Variants in VAV3 observed in about 807,000 individuals in gnomAD.
VAV3 encodes vav guanine nucleotide exchange factor 3.
A neutral mutation model predicts 131.2 loss-of-function variants in VAV3; 94 were observed. The ratio of observed to expected loss-of-function variants is 0.72; its 90% confidence interval spans 0.61 to 0.85. VAV3 has a LOEUF of 0.85. Among genes scored for constraint, VAV3 ranks in the 40% least tolerant of loss-of-function variants. VAV3 has a pLI of 0.00. For synonymous variants in VAV3, 349 were observed against 342.0 expected (o/e 1.02, Z -0.22); for missense variants, 939 against 1,002.7 (o/e 0.94, Z 0.86).
rs1317970944 is a variant in VAV3 at position 107,952,485 on chromosome 1, T to TATATATATATATATATATACAC, written c.204+12180_204+12181insGTGTATATATATATATATATAT. On this transcript the variant is annotated intron_variant, in intron 1 of 26. Coordinates refer to ENST00000370056, the MANE Select transcript of VAV3 (RefSeq NM_006113.5). ...ACAAAACTTTATATATATATATATA[T>TATATATATATATATATATACAC]ACACACATAAATTCAACCTAAAAAA... Among the ~76,000 whole-genome samples the TATATATATATATATATATACAC allele has an allele frequency of 5.7e-4, 54 of 94,424 alleles. 2 individuals are homozygous for TATATATATATATATATATACAC. Among genetic ancestry groups the TATATATATATATATATATACAC allele is most frequent in the African/African-American group, 1.8e-3 (49 of 27,648 alleles). The allele number at this position is 94,424 out of a possible 152,430, so 61.9% of individuals were successfully genotyped here.
intron 15 of VAV3, among the ~76,000 whole-genome samples, chr1:107,745,826 C>T (rs1663308481): frequency 6.6e-6 from 1 of 152,130 alleles, no homozygotes; most frequent in African/African-American, 2.4e-5. Flanking sequence ...TATCAGCTCC[C>T]TTGATTTCCC....
chr1:107,754,456 C>G (rs1219787316), intron 12 of VAV3, among the ~76,000 whole-genome samples: 1 of 152,224 alleles, frequency 6.6e-6, no homozygotes, highest in Non-Finnish European at 1.5e-5. Context: ...TCACTCATCT[C>G]TATTTGCACT....
intron 1 of VAV3, among the ~76,000 whole-genome samples, chr1:107,940,061 C>T (rs572653701): frequency 6.6e-5 from 10 of 152,226 alleles, no homozygotes; most frequent in Admixed American, 2.6e-4. Context: ...CAAAGTCCAA[C>T]AATATTAAAG....
chr1:107,591,886 G>A (rs1650980576), intron 25 of VAV3, among the ~76,000 whole-genome samples: 1 of 152,024 alleles, frequency 6.6e-6, no homozygotes. Flanking sequence ...TATAACCACA[G>A]TACAATTATC....
At chr1:107,932,714 G>C (rs1435071277) in intron 1 of VAV3, among the ~76,000 whole-genome samples, 1 of 152,194 alleles carries the variant, frequency 6.6e-6, no homozygotes, top group Non-Finnish European at 1.5e-5. Context: ...AGGAGGCAGA[G>C]TAAGATTTGA....
intron 15 of VAV3, among the ~76,000 whole-genome samples, chr1:107,744,458 G>A (rs1397820555): frequency 6.6e-6 from 1 of 152,172 alleles, no homozygotes; most frequent in Non-Finnish European, 1.5e-5. Context: ...AGAAATTCTA[G>A]GCAAGAGGAC....
At chr1:107,616,105 T>C (rs1250685805) in intron 21 of VAV3, among the ~76,000 whole-genome samples, 2 of 152,176 alleles carry the variant, frequency 1.3e-5, no homozygotes, top group Admixed American at 6.5e-5. Context: ...ACTGGGTATA[T>C]ACCCAAAGAA....
intron 17 of VAV3, among the ~76,000 whole-genome samples, chr1:107,690,080 G>A (rs1364939238): frequency 6.6e-6 from 1 of 152,182 alleles, no homozygotes; most frequent in Non-Finnish European, 1.5e-5. Flanking sequence ...CAAAATTGGG[G>A]AAACCTCAGC....
At chr1:107,883,621 A>G (rs1670890061) in intron 1 of VAV3, among the ~76,000 whole-genome samples, 1 of 152,140 alleles carries the variant, frequency 6.6e-6, no homozygotes, top group Admixed American at 6.6e-5. Flanking sequence ...TAATATCAAT[A>G]AAGATTTTAA....
intron 15 of VAV3, among the ~76,000 whole-genome samples, chr1:107,719,702 C>T (rs979868051): frequency 2.6e-5 from 4 of 152,156 alleles, no homozygotes; most frequent in Non-Finnish European, 5.9e-5. Flanking sequence ...AGCAATCCCA[C>T]TACTGGGTAT....
intron 2 of VAV3, among the ~76,000 whole-genome samples, chr1:107,865,794 C>G (rs1040867671): frequency 1.3e-5 from 2 of 152,160 alleles, no homozygotes; most frequent in African/African-American, 4.8e-5. Context: ...CACTGCCTCT[C>G]TAAAAGTGAT....
At chr1:107,655,766 T>C (rs560066867) in intron 19 of VAV3, among the ~76,000 whole-genome samples, 43 of 152,064 alleles carry the variant, frequency 2.8e-4, no homozygotes, top group African/African-American at 9.6e-4. Context: ...AAGAAACAAA[T>C]AATCTAATTT....
At chr1:107,839,560 A>G (rs1668606623) in intron 2 of VAV3, among the ~76,000 whole-genome samples, 1 of 152,114 alleles carries the variant, frequency 6.6e-6, no homozygotes, top group Non-Finnish European at 1.5e-5. Flanking sequence ...CATTAAATGC[A>G]TATATTAAAC....
intron 1 of VAV3, among the ~76,000 whole-genome samples, chr1:107,937,198 A>AT (rs1484706897): frequency 6.6e-6 from 1 of 152,200 alleles, no homozygotes; most frequent in African/African-American, 2.4e-5. Context: ...ACATACCAAG[A>AT]AATAATGTGT....
At chr1:107,906,559 G>A (rs559728477) in intron 1 of VAV3, among the ~76,000 whole-genome samples, 52 of 152,162 alleles carry the variant, frequency 3.4e-4, no homozygotes, top group South Asian at 2.7e-3. Context: ...CCAGCTACTC[G>A]GGAGGCTGAG....
intron 1 of VAV3, among the ~76,000 whole-genome samples, chr1:107,915,313 T>A (rs985197112): frequency 6.6e-6 from 1 of 152,204 alleles, no homozygotes; most frequent in East Asian, 1.9e-4. Context: ...CATTTCCACA[T>A]CATAATTCCT....
chr1:107,770,802 A>G, intron 5 of VAV3, 74 bp from the exon 6 acceptor site: 1 of 1,241,512 alleles, frequency 8.1e-7, no homozygotes, highest in East Asian at 2.4e-5. Flanking sequence ...AGAGATCAAA[A>G]GCATTGCTGA....
At chr1:107,659,008 A>T (rs1251486394) in intron 19 of VAV3, among the ~76,000 whole-genome samples, 15 of 150,226 alleles carry the variant, frequency 1.0e-4, no homozygotes, top group African/African-American at 2.7e-4. Flanking sequence ...GGTGTTTTAG[A>T]CATGAAGTCC....
chr1:107,684,857 A>G (rs1239292515), intron 18 of VAV3, among the ~76,000 whole-genome samples: 1 of 152,208 alleles, frequency 6.6e-6, no homozygotes, highest in Non-Finnish European at 1.5e-5. Context: ...TTTAAAGAAA[A>G]AATCTTTTCT....
Sources: allele counts gnomAD v4.1 joint callset (sites outside exome capture counted in the v4.1 genomes callset), GRCh38; gene constraint gnomAD v4.1.1; transcripts MANE v1.5; gene names NCBI Gene and HGNC (gene_info 2026-07-23, HGNC 2026-07-21).